The following GRIP1 variants were observed in gnomAD, a reference collection of about 807,000 sequenced individuals.
The protein encoded by GRIP1 is glutamate receptor-interacting protein 1.
A neutral mutation model predicts 129.9 loss-of-function variants in GRIP1; 45 were observed. That is an observed-to-expected ratio of 0.35 (90% confidence interval 0.27 to 0.44). The LOEUF (loss-of-function observed/expected upper bound fraction) is 0.44, where lower values mean the gene tolerates loss of function less well. Ranked by LOEUF, GRIP1 falls within the 20% of genes least tolerant of loss-of-function variation. The pLI is 1.00. For synonymous variants in GRIP1, 530 were observed against 520.8 expected, an observed-to-expected ratio of 1.02 and a Z score of -0.24; for missense variants, 1,196 against 1,396.8, an observed-to-expected ratio of 0.86 and a Z score of 2.29.
chr12:66,651,507 T>C (rs4313653), intron 1 of GRIP1, among the ~76,000 whole-genome samples: 147,015 of 152,326 alleles, frequency 0.97, 70,989 homozygotes, highest in African/African-American at 0.99. Context: ...AGAATACTCA[T>C]GATTGTTGTT....
rs2036129051 is a variant in GRIP1 at position 66,723,242 on chromosome 12, TCCTTCCTTCCTTCCTTC to T, written c.-420+80794_-420+80810del. Among the ~76,000 whole-genome samples the T allele has an allele frequency of 9.9e-4, 57 of 57,312 alleles. 7 individuals are homozygous for T. The highest frequency in any genetic ancestry group is 4.9e-3 in the African/African-American group (56 of 11,324). The allele number at this position is 57,312 out of a possible 152,430, so 37.6% of individuals were successfully genotyped here. A position where few individuals can be genotyped will look rare whatever the true frequency, so the allele number is the denominator to read the frequency against. On this transcript the variant is annotated intron_variant, in intron 1 of 4. Coordinates refer to the GRIP1 transcript ENST00000538373. ...TCTTTCTTTCTCTCTCTCTCTCTCT[TCCTTCCTTCCTTCCTTC>T]CTTCCTTCCTTCCTTCCTTCCTTCC...
intron 5 of GRIP1, among the ~76,000 whole-genome samples, chr12:66,524,211 T>C (rs1346247143): frequency 2.0e-5 from 3 of 152,216 alleles, no homozygotes; most frequent in African/African-American, 4.8e-5. Flanking sequence ...CCACCCCAAA[T>C]CAACAGAATA....
chr12:66,749,080 T>C (rs1004861474), intron 1 of GRIP1, among the ~76,000 whole-genome samples: 2 of 152,190 alleles, frequency 1.3e-5, no homozygotes, highest in African/African-American at 4.8e-5. Flanking sequence ...CCCGCAAGTA[T>C]CCATTCTTCC....
chr12:66,923,238 G>A (rs1037831793), intron 1 of GRIP1, among the ~76,000 whole-genome samples: 2 of 152,126 alleles, frequency 1.3e-5, no homozygotes, highest in African/African-American at 4.8e-5. Flanking sequence ...CCCAGCATTT[G>A]AGGAAGCCAA....
intron 7 of GRIP1, among the ~76,000 whole-genome samples, chr12:66,503,789 A>G (rs776840981): frequency 3.3e-5 from 5 of 152,178 alleles, no homozygotes; most frequent in Admixed American, 1.3e-4. Flanking sequence ...GGGGGAGCCT[A>G]CAGTGGCTAT....
intron 1 of GRIP1, among the ~76,000 whole-genome samples, chr12:66,978,939 C>A (rs1020473736): frequency 4.0e-5 from 6 of 151,680 alleles, no homozygotes; most frequent in African/African-American, 1.5e-4. Context: ...AGTGGTAGAC[C>A]GTGACACAGC....
rs147095170 is a variant in GRIP1 at position 66,733,361 on chromosome 12, C to T, written c.-420+70692G>A. ...CTCAAGCCAATAAACTATACATTTT[C>T]TACATGACTAAGTCATGGCTAATAA... On this transcript the variant is annotated intron_variant, in intron 1 of 4. Coordinates refer to the GRIP1 transcript ENST00000538373. 1.5e-3 allele frequency among the ~76,000 whole-genome samples: 222 copies of T among 152,210 alleles called. 6 individuals are homozygous for T. In the East Asian group the frequency reaches 0.037, roughly 25 times the overall value.
At chr12:67,015,750 T>C (rs2042776724) in intron 1 of GRIP1, among the ~76,000 whole-genome samples, 2 of 152,192 alleles carry the variant, frequency 1.3e-5, no homozygotes, top group African/African-American at 2.4e-5. Flanking sequence ...GCAATTTCCC[T>C]TGAATTTCTA....
At chr12:67,069,269 C>A, upstream of GRIP1, 1 of 205,668 alleles carries the variant, frequency 4.9e-6, no homozygotes, top group South Asian at 1.6e-4. Context: ...GAAGCGGCGC[C>A]GCGCGCCCCG....
intron 1 of GRIP1, among the ~76,000 whole-genome samples, chr12:66,605,335 A>G (rs563759517): frequency 1.1e-4 from 17 of 152,212 alleles, no homozygotes; most frequent in East Asian, 3.9e-4. Context: ...AAAAAGAGGG[A>G]GCTTTCTGTT....
intron 1 of GRIP1, among the ~76,000 whole-genome samples, chr12:66,882,257 C>A (rs1370764890): frequency 4.7e-5 from 7 of 150,302 alleles, no homozygotes; most frequent in African/African-American, 1.7e-4. Flanking sequence ...CACGATGTTA[C>A]AGCATCTGAG....
intron 2 of GRIP1, among the ~76,000 whole-genome samples, chr12:66,565,270 G>T (rs2062707751): frequency 6.6e-6 from 1 of 152,198 alleles, no homozygotes; most frequent in Non-Finnish European, 1.5e-5. Flanking sequence ...TAACATTTAA[G>T]TCTTTAATCC....
At chr12:66,743,181 A>G (rs970634696) in intron 1 of GRIP1, among the ~76,000 whole-genome samples, 9 of 152,188 alleles carry the variant, frequency 5.9e-5, no homozygotes, top group African/African-American at 2.2e-4. Context: ...ATGGCATGCA[A>G]CAGGTACTCA....
At chr12:66,491,204 G>A (rs988070867) in intron 7 of GRIP1, among the ~76,000 whole-genome samples, 1 of 152,132 alleles carries the variant, frequency 6.6e-6, no homozygotes, top group African/African-American at 2.4e-5. Context: ...CAGAGATACG[G>A]AATCAACCCA....
chr12:66,911,328 C>G (rs1468049308), intron 1 of GRIP1, among the ~76,000 whole-genome samples: 1 of 152,168 alleles, frequency 6.6e-6, no homozygotes, highest in African/African-American at 2.4e-5. Context: ...AGGCGGAAAT[C>G]TATGTTCTGA....
chr12:66,614,786 C>T (rs1403313314), intron 1 of GRIP1, among the ~76,000 whole-genome samples: 2 of 152,146 alleles, frequency 1.3e-5, no homozygotes, highest in Non-Finnish European at 2.9e-5. Flanking sequence ...TCTTTCTCCT[C>T]TTCATTCACT....
At chr12:66,488,544 C>T (rs908704872) in intron 7 of GRIP1, among the ~76,000 whole-genome samples, 2 of 152,010 alleles carry the variant, frequency 1.3e-5, no homozygotes, top group Non-Finnish European at 2.9e-5. Flanking sequence ...AGTTAACAAC[C>T]TAACATCACA....
At chr12:66,915,827 C>A (rs575117092) in intron 1 of GRIP1, among the ~76,000 whole-genome samples, 1 of 152,080 alleles carries the variant, frequency 6.6e-6, no homozygotes, top group African/African-American at 2.4e-5. Flanking sequence ...GGGGATGAGA[C>A]GAGGAAGAAA....
At chr12:66,426,703 C>T (rs752594581) in intron 14 of GRIP1, among the ~76,000 whole-genome samples, 1 of 151,954 alleles carries the variant, frequency 6.6e-6, no homozygotes, top group Non-Finnish European at 1.5e-5. Context: ...GCTTGGTGTA[C>T]CCAAGTAGGG....
Sources: allele counts gnomAD v4.1 joint callset (sites outside exome capture counted in the v4.1 genomes callset), GRCh38; gene constraint gnomAD v4.1.1; transcripts MANE v1.5; gene names NCBI Gene and HGNC (gene_info 2026-07-23, HGNC 2026-07-21).